The following SGO2 variants were observed in gnomAD, a reference collection of about 807,000 sequenced individuals.
The protein encoded by SGO2 is shugoshin 2.
A neutral mutation model predicts 99.5 loss-of-function variants in SGO2; 68 were observed. That is an observed-to-expected ratio of 0.68 (90% confidence interval 0.56 to 0.84). The LOEUF (loss-of-function observed/expected upper bound fraction) is 0.84. Ranked by LOEUF, SGO2 falls within the 40% of genes least tolerant of loss-of-function variation. The pLI, the probability that SGO2 is intolerant of heterozygous loss-of-function variation, is 0.00. For synonymous variants in SGO2, 457 were observed against 487.1 expected (o/e 0.94, Z 0.81); for missense variants, 1,350 against 1,436.7 (o/e 0.94, Z 0.97).
At chr2:200,568,351 TA>T (rs1377278722) in intron 5 of SGO2, among the ~76,000 whole-genome samples, 1 of 152,218 alleles carries the variant, frequency 6.6e-6, no homozygotes, top group Non-Finnish European at 1.5e-5. Flanking sequence ...TGCACCTGGG[TA>T]TTGTGTATCC....
intron 2 of SGO2, among the ~76,000 whole-genome samples, chr2:200,534,106 A>G (rs913118632): frequency 1.3e-5 from 2 of 152,210 alleles, no homozygotes; most frequent in Admixed American, 1.3e-4. Context: ...CAGAATCCCA[A>G]GTTTTCCCTG....
chr2:200,536,511 G>T (rs2106307878), intron 4 of SGO2, among the ~76,000 whole-genome samples: 1 of 151,992 alleles, frequency 6.6e-6, no homozygotes, highest in East Asian at 1.9e-4. Flanking sequence ...AAAAACTGGG[G>T]AAAAAAATAG....
chr2:200,564,076 TC>T (rs2033089029), intron 5 of SGO2, among the ~76,000 whole-genome samples: 1 of 152,242 alleles, frequency 6.6e-6, no homozygotes, highest in African/African-American at 2.4e-5. Context: ...TCTGCTCTGA[TC>T]TTAGTTATTG....
rs1227759115 is a variant in SGO2, at chr2:200,569,750, T to C, written c.561T>C (p.Asp187=). ...ATATTAAATCAAAGACATTACCTGATATTCCCTCTTCAGGATCAACAACAC... is the reference window on the plus strand; with the variant it reads ...ATATTAAATCAAAGACATTACCTGACATTCCCTCTTCAGGATCAACAACAC... ...DNNIKSKTLP[D]IPSSGSTTQP... Residue 187 remains aspartate, a synonymous_variant, in exon 6 of 9, where the codon GAT becomes GAC. Coordinates refer to ENST00000357799, the MANE Select transcript of SGO2 (RefSeq NM_152524.6). 1 of 1,612,906 alleles carries C rather than the reference T, an allele frequency of 6.2e-7. No homozygotes were observed. Among genetic ancestry groups the C allele is most frequent in the Non-Finnish European group, 8.5e-7 (1 of 1,179,106 alleles).
At chr2:200,553,137 C>T (rs1396740519) in intron 5 of SGO2, among the ~76,000 whole-genome samples, 1 of 152,118 alleles carries the variant, frequency 6.6e-6, no homozygotes, top group African/African-American at 2.4e-5. Flanking sequence ...ATTCATAACT[C>T]TTGAGTTCTG....
At chr2:200,532,273 T>G (rs772285396) in intron 1 of SGO2, 4,571 of 50,956 alleles carry the variant, frequency 0.09, 151 homozygotes, top group Non-Finnish European at 0.12. Context: ...GAGTTTTTTG[T>G]TTTTTTTTTT....
Position 200,573,406 on chromosome 2 carries a change from A to T in SGO2, c.3060A>T (p.Glu1020Asp). ...CTTCACAGACATCTATCTCCTTAGA[A>T]TCTGATTTAAAACATATTACTAGTG... ...TESSQTSISL[E>D]SDLKHITSEA... Residue 1020 changes from glutamate (E) to aspartate (D), a missense_variant, in exon 7 of 9, where the codon GAA (glutamate) becomes GAT (aspartate). Coordinates refer to ENST00000357799, the MANE Select transcript of SGO2 (RefSeq NM_152524.6). The T allele has an allele frequency of 6.2e-7, 1 of 1,604,830 alleles. No homozygotes were observed. The highest frequency in any genetic ancestry group is 2.2e-5 in the East Asian group (1 of 44,804).
intron 3 of SGO2, among the ~76,000 whole-genome samples, chr2:200,535,390 C>T (rs2031644607): frequency 6.6e-6 from 1 of 152,048 alleles, no homozygotes; most frequent in African/African-American, 2.4e-5. Flanking sequence ...GCTGTGTAAA[C>T]CAGTATAATA....
intron 5 of SGO2, among the ~76,000 whole-genome samples, chr2:200,559,954 A>G (rs1408146733): frequency 1.4e-4 from 21 of 152,318 alleles, no homozygotes; most frequent in African/African-American, 4.8e-4. Flanking sequence ...CATTAGGACA[A>G]AGCTTGATCT....
At chr2:200,568,131 A>G (rs552456620) in intron 5 of SGO2, among the ~76,000 whole-genome samples, 1 of 152,290 alleles carries the variant, frequency 6.6e-6, no homozygotes, top group Non-Finnish European at 1.5e-5. Flanking sequence ...GTTAATAATT[A>G]TCTATTCTTG....
chr2:200,556,592 A>G (rs2032728380), intron 5 of SGO2, among the ~76,000 whole-genome samples: 1 of 152,188 alleles, frequency 6.6e-6, no homozygotes, highest in African/African-American at 2.4e-5. Context: ...CAAATGATAA[A>G]GATCACACAG....
intron 5 of SGO2, among the ~76,000 whole-genome samples, chr2:200,561,318 GT>G (rs1316905046): frequency 6.6e-6 from 1 of 152,128 alleles, no homozygotes; most frequent in East Asian, 1.9e-4. Flanking sequence ...CCTTGCAATA[GT>G]TTGCTGAGAA....
At position 200,562,714 on chromosome 2, in the gene SGO2, G is replaced by A. The variant is rs1009410414; in HGVS notation, c.474-6949G>A. 5.3e-5 allele frequency among the ~76,000 whole-genome samples: 8 copies of A among 152,092 alleles called. No individual in the cohort carries two copies. The South Asian group carries it at 8.3e-4, about 16-fold the overall frequency. On this transcript the variant is annotated intron_variant, in intron 5 of 8. Coordinates refer to ENST00000357799, the MANE Select transcript of SGO2 (RefSeq NM_152524.6). ...GCATGGAATGTTCTTCCATTTGTTT[G>A]TGCCCTCTTTTATTTCATTGAGCAG...
At chr2:200,553,650 G>A (rs1044616158) in intron 5 of SGO2, among the ~76,000 whole-genome samples, 2 of 152,118 alleles carry the variant, frequency 1.3e-5, no homozygotes, top group African/African-American at 4.8e-5. Context: ...CTTACACTTA[G>A]CCTGATTATT....
At chr2:200,539,378 T>C in intron 4 of SGO2, among the ~76,000 whole-genome samples, 1 of 152,144 alleles carries the variant, frequency 6.6e-6, no homozygotes, top group South Asian at 2.1e-4. Flanking sequence ...ATTTTATGTA[T>C]TTGGGCTTTT....
chr2:200,565,459 G>A (rs1210027928), intron 5 of SGO2, among the ~76,000 whole-genome samples: 1 of 152,180 alleles, frequency 6.6e-6, no homozygotes, highest in Non-Finnish European at 1.5e-5. Context: ...TTCCCTTTGT[G>A]AGTAACCCAA....
chr2:200,563,563 C>T (rs1259429315), intron 5 of SGO2, among the ~76,000 whole-genome samples: 1 of 152,148 alleles, frequency 6.6e-6, no homozygotes, highest in Non-Finnish European at 1.5e-5. Flanking sequence ...CAGGATGATG[C>T]TGGCCTCATA....
chr2:200,558,686 T>C (rs2032816407), intron 5 of SGO2, among the ~76,000 whole-genome samples: 1 of 151,932 alleles, frequency 6.6e-6, no homozygotes, highest in African/African-American at 2.4e-5. Flanking sequence ...ATGAATTAAG[T>C]GCACCTCTTT....
At position 200,569,785 on chromosome 2, in the gene SGO2, C is replaced by G; in HGVS notation, c.596C>G (p.Ser199Ter). The change falls in exon 6 of 9, where the codon TCA becomes TGA. Residue 199 changes from serine (S) to a stop codon, truncating the protein, a stop_gained. Coordinates refer to ENST00000357799, the MANE Select transcript of SGO2 (RefSeq NM_152524.6). LOFTEE classifies it high-confidence loss of function. ...TCAGGATCAACAACACAACCTTTAT[C>G]AACTCAGGATAATTCGGAAGTGTTA... ...PSSGSTTQPL[S>*]TQDNSEVLFL... The G allele has an allele frequency of 6.2e-7, 1 of 1,610,902 alleles. No individual in the cohort carries two copies. Among genetic ancestry groups the G allele is most frequent in the Non-Finnish European group, 8.5e-7 (1 of 1,177,346 alleles).
Sources: allele counts gnomAD v4.1 joint callset (sites outside exome capture counted in the v4.1 genomes callset), GRCh38; gene constraint gnomAD v4.1.1; transcripts MANE v1.5; gene names NCBI Gene and HGNC (gene_info 2026-07-23, HGNC 2026-07-21).